The following GPC5 variants were observed in gnomAD, a reference collection of about 807,000 sequenced individuals.
GPC5 encodes glypican 5.
GPC5 carries 47 observed loss-of-function variants against 53.9 expected under a neutral mutation model. The ratio of observed to expected loss-of-function variants is 0.87; its 90% CI spans 0.69 to 1.11. The LOEUF (loss-of-function observed/expected upper bound fraction) is 1.11. Ranked by LOEUF, GPC5 falls within the 50% of genes most tolerant of loss-of-function variation. The pLI, the probability that GPC5 is intolerant of heterozygous loss-of-function variation, is 0.00. For synonymous variants in GPC5, 286 were observed against 263.3 expected, an observed-to-expected ratio of 1.09 and a Z score of -0.84; for missense variants, 748 against 713.1, an observed-to-expected ratio of 1.05 and a Z score of -0.56.
intron 6 of GPC5, chr13:91,995,923 G>C (rs1258548430): frequency 6.6e-6 from 1 of 152,294 alleles, no homozygotes; most frequent in East Asian, 1.9e-4. Context: ...TAGGTTCCAT[G>C]TGAGACTGAT....
Position 92,460,524 on chromosome 13 carries a change from AT to A in GPC5, c.1561+315537del. On this transcript the variant is annotated intron_variant, in intron 7 of 7. Transcript: ENST00000377067. ...TTAAAAACAATTAGTATATTTTATG[AT>A]TATATGTCCTAGTGGATATTGAAGA... Among the ~76,000 whole-genome samples, 7 of 152,248 alleles carry A rather than the reference AT, an allele frequency of 4.6e-5. No individual in the cohort carries two copies. The East Asian group carries it at 1.4e-3, about 29-fold the overall frequency.
chr13:92,514,519 C>T (rs115053256), intron 7 of GPC5, among the ~76,000 whole-genome samples: 2,256 of 152,228 alleles, frequency 0.015, 59 homozygotes, highest in African/African-American at 0.051. Flanking sequence ...GCCTTTTAAA[C>T]ATATGGGGTA....
chr13:91,503,646 G>A (rs1338501628), intron 2 of GPC5, among the ~76,000 whole-genome samples: 2 of 151,502 alleles, frequency 1.3e-5, no homozygotes, highest in African/African-American at 2.4e-5. Context: ...TGGGCATGGT[G>A]GTGTGTGCCT....
intron 7 of GPC5, among the ~76,000 whole-genome samples, chr13:92,705,019 G>C (rs1456193626): frequency 1.3e-5 from 2 of 151,670 alleles, no homozygotes; most frequent in African/African-American, 4.8e-5. Flanking sequence ...TAAGAACAGT[G>C]CTCATGGGAC....
chr13:91,888,839 T>C (rs752929633), intron 5 of GPC5, among the ~76,000 whole-genome samples: 1 of 152,074 alleles, frequency 6.6e-6, no homozygotes, highest in Non-Finnish European at 1.5e-5. Flanking sequence ...TTGAGAACAA[T>C]ATTCCTCAAA....
At chr13:92,190,028 G>T (rs1593978071) in intron 7 of GPC5, among the ~76,000 whole-genome samples, 1 of 152,222 alleles carries the variant, frequency 6.6e-6, no homozygotes, top group East Asian at 1.9e-4. Context: ...CAGAACAACT[G>T]CTTAAAAAAC....
chr13:92,584,936 T>C lies in GPC5; in HGVS notation c.1562-281346T>C, dbSNP rs554429424. Among the ~76,000 whole-genome samples the C allele has an allele frequency of 5.3e-5, 8 of 152,136 alleles. No homozygotes were observed. In the East Asian group the frequency reaches 1.6e-3, roughly 30 times the overall value. On this transcript the variant is annotated intron_variant, in intron 7 of 7. Transcript: ENST00000377067. ...CTGCAGGTGCACAGAAGTCAAGAAT[T>C]GAGGTTTGGGAACCTCCACCTAGAT... is the stretch of plus-strand genomic sequence containing the variant.
In GPC5 at chr13:91,569,322, C is replaced by G. The variant is rs578045318; in HGVS notation, c.325+120400C>G. On this transcript the variant is annotated intron_variant, in intron 2 of 7. Coordinates refer to ENST00000377067, the MANE Select transcript of GPC5 (RefSeq NM_004466.6). Reference sequence around the variant, plus strand: ...TAAAATATCATACCCAAGATAAGTTCTAGGTCAGTGTTTCTAAATATTGTT... The same window carrying G: ...TAAAATATCATACCCAAGATAAGTTGTAGGTCAGTGTTTCTAAATATTGTT... Among the ~76,000 whole-genome samples the G allele has an allele frequency of 8.5e-5, 13 of 152,182 alleles. No homozygotes were observed. In the East Asian group the frequency reaches 2.5e-3, roughly 29 times the overall value.
At chr13:91,956,885 G>A (rs954024812) in intron 6 of GPC5, among the ~76,000 whole-genome samples, 4 of 151,996 alleles carry the variant, frequency 2.6e-5, no homozygotes, top group East Asian at 3.9e-4. Flanking sequence ...GAGATGTGAA[G>A]ATATCAAAGT....
chr13:92,218,555 GC>G (rs1337643676), intron 7 of GPC5, among the ~76,000 whole-genome samples: 1 of 152,056 alleles, frequency 6.6e-6, no homozygotes, highest in African/African-American at 2.4e-5. Flanking sequence ...ACCCAGTTCA[GC>G]CCCTTTGTCC....
chr13:91,708,979 G>A (rs1279038750), intron 3 of GPC5, among the ~76,000 whole-genome samples: 1 of 152,060 alleles, frequency 6.6e-6, no homozygotes, highest in Non-Finnish European at 1.5e-5. Flanking sequence ...TTTTCCCCAC[G>A]GATGCTCAAC....
intron 2 of GPC5, among the ~76,000 whole-genome samples, chr13:91,664,154 G>C (rs1028250712): frequency 6.6e-6 from 1 of 152,224 alleles, no homozygotes; most frequent in African/African-American, 2.4e-5. Flanking sequence ...TTGAAAATCA[G>C]TGTTGCACAA....
intron 7 of GPC5, among the ~76,000 whole-genome samples, chr13:92,481,210 C>T (rs1427490697): frequency 1.3e-5 from 2 of 151,960 alleles, no homozygotes; most frequent in African/African-American, 4.8e-5. Context: ...ACGCCATTCT[C>T]CTGCCTCAGC....
intron 7 of GPC5, among the ~76,000 whole-genome samples, chr13:92,581,536 G>A (rs1883368263): frequency 1.3e-5 from 2 of 152,116 alleles, no homozygotes; most frequent in Admixed American, 6.5e-5. Context: ...ACAGGACAGT[G>A]CAGATATCTC....
intron 4 of GPC5, among the ~76,000 whole-genome samples, chr13:91,748,657 G>C (rs1464472536): frequency 1.3e-5 from 2 of 152,146 alleles, no homozygotes; most frequent in African/African-American, 4.8e-5. Flanking sequence ...CATACAGGGG[G>C]ATTATAATAC....
intron 7 of GPC5, among the ~76,000 whole-genome samples, chr13:92,707,765 G>GA (rs112078583): frequency 0.077 from 11,700 of 151,874 alleles, 552 homozygotes; most frequent in South Asian, 0.16. Context: ...TATCTGCTTG[G>GA]AAAAAAATAA....
At chr13:91,535,211 G>A (rs1291762579) in intron 2 of GPC5, among the ~76,000 whole-genome samples, 1 of 152,014 alleles carries the variant, frequency 6.6e-6, no homozygotes, top group Non-Finnish European at 1.5e-5. Context: ...ATGATTTAGG[G>A]CTCAGTTAAG....
At chr13:92,337,731 C>A (rs2043334766) in intron 7 of GPC5, among the ~76,000 whole-genome samples, 1 of 152,112 alleles carries the variant, frequency 6.6e-6, no homozygotes, top group Non-Finnish European at 1.5e-5. Flanking sequence ...AGAAATGATG[C>A]TGGAACGACT....
chr13:92,538,997 T>C (rs1002634919), intron 7 of GPC5, among the ~76,000 whole-genome samples: 15 of 131,426 alleles, frequency 1.1e-4, no homozygotes, highest in Admixed American at 6.7e-4. Context: ...CATATATATA[T>C]ACTTTATATA....
Sources: gnomAD v4.1 joint callset for allele counts (sites outside exome capture counted in the v4.1 genomes callset) on GRCh38, gnomAD v4.1.1 for gene constraint, MANE v1.5 for transcripts, NCBI Gene and HGNC (gene_info 2026-07-23, HGNC 2026-07-21) for gene names.